Variants in ZNF335 observed in about 807,000 individuals in gnomAD.
The protein encoded by ZNF335 is NRC-interacting factor 1.
Under a neutral mutation model 145.6 loss-of-function variants are expected in ZNF335, and 84 were observed. The ratio of observed to expected loss-of-function variants is 0.58; its 90% confidence interval spans 0.48 to 0.69. ZNF335 has a LOEUF of 0.69. Among genes scored for constraint, ZNF335 ranks in the 30% least tolerant of loss-of-function variants. The pLI is 0.00. For synonymous variants in ZNF335, 761 were observed against 717.0 expected (o/e 1.06, Z -0.98); for missense variants, 1,865 against 1,809.7 (o/e 1.03, Z -0.55).
chr20:45,963,923 C>A lies in ZNF335; in HGVS notation c.1170G>T (p.Glu390Asp), dbSNP rs1457770765. The A allele has an allele frequency of 6.4e-7, 1 of 1,570,638 alleles. No individual in the cohort carries two copies. Among genetic ancestry groups the A allele is most frequent in the Non-Finnish European group, 8.6e-7 (1 of 1,157,552 alleles). Residue 390 changes from glutamate to aspartate, a missense_variant, in exon 8 of 28, where the codon GAG becomes GAT. Physicochemically the swap from Glu to Asp is conservative, Grantham distance 45 (BLOSUM62 2). Transcript: ENST00000322927. The stretch of plus-strand genomic sequence containing the variant: ...GTCCTGGGCCTGAGGAGCTGGGAGC[C>A]TCGGGATCCTGTGGCTCTGGAGGGC... Reference protein sequence around the residue: ...GQSPPEPQDPEAPSSSGPGHL... With the variant: ...GQSPPEPQDPDAPSSSGPGHL...
intron 20 of ZNF335, among the ~76,000 whole-genome samples, chr20:45,951,756 G>C (rs1169643899): frequency 6.6e-6 from 1 of 152,192 alleles, no homozygotes; most frequent in African/African-American, 2.4e-5. Flanking sequence ...CTATGGCCCA[G>C]GGGTTGGGCA....
In ZNF335 at chr20:45,968,347, G is replaced by C. The variant is rs746933032; in HGVS notation, c.458C>G (p.Thr153Ser). ...CTCGGCCCCGCCATCCTCAGCACTG[G>C]TCACAGTGATGCAGTCTGGGCAGAG... Reference protein sequence around the residue: ...PDLIQNCITVTSAEDGGAETT... With the variant: ...PDLIQNCITVSSAEDGGAETT... The change falls in exon 4 of 28, where the codon ACC (threonine) becomes AGC (serine). Residue 153 changes from threonine (T) to serine (S), a missense_variant. Coordinates refer to ENST00000322927, the MANE Select transcript of ZNF335 (RefSeq NM_022095.4). 6.2e-7 allele frequency: 1 copy of C among 1,612,038 alleles called. No homozygotes were observed. The highest frequency in any genetic ancestry group is 1.1e-5 in the South Asian group (1 of 91,056).
chr20:45,959,333 T>C lies in ZNF335; in HGVS notation c.2121A>G (p.Glu707=), dbSNP rs2083788217. ...GCTCCTCAGGGTGGCGCCTCCCCCA[T>C]TCCTCGAAGCTGCTTGCGTGTCGGC... The part of the protein sequence containing the change: ...VRCRHASSFE[E]WGRRHPEEPP... The change falls in exon 15 of 28, where the codon GAA becomes GAG. Residue 707 remains glutamate, a synonymous_variant. Coordinates refer to ENST00000322927, the MANE Select transcript of ZNF335 (RefSeq NM_022095.4). The C allele has an allele frequency of 1.9e-6, 3 of 1,585,736 alleles. No individual in the cohort carries two copies. The highest frequency in any genetic ancestry group is 1.1e-5 in the South Asian group (1 of 88,130).
chr20:45,949,266 C>T lies in ZNF335; in HGVS notation c.3820-15G>A, dbSNP rs1600515663. The T allele has an allele frequency of 6.2e-7, 1 of 1,613,914 alleles. No individual in the cohort carries two copies. The highest frequency in any genetic ancestry group is 1.1e-5 in the South Asian group (1 of 91,084). Reference sequence around the variant, plus strand: ...ACATACTGGATCTGGAGGGGAGAAGCTGATAAGATGCTGGCCTGGAGAAAC... The same window carrying T: ...ACATACTGGATCTGGAGGGGAGAAGTTGATAAGATGCTGGCCTGGAGAAAC... On this transcript the variant is annotated splice_polypyrimidine_tract_variant and intron_variant, in intron 26 of 27. Transcript: ENST00000322927.
chr20:45,963,481 A>T lies in ZNF335; in HGVS notation c.1525T>A (p.Ser509Thr). ...QCSYRSRRWS[S>T]LKEHMFNHVG... is the part of the protein sequence containing the mutation. ...CTCTTTGGCTCCCGCACCTTGAGCG[A>T]GGACCAGCGGCGGGAACGATAGCTG... is the stretch of plus-strand genomic sequence containing the variant. Residue 509 changes from serine to threonine, a missense_variant, in exon 9 of 28, where the codon TCG (serine) becomes ACG (threonine). Transcript: ENST00000322927. 6.2e-7 allele frequency: 1 copy of T among 1,611,710 alleles called. No homozygotes were observed. Among genetic ancestry groups the T allele is most frequent in the Non-Finnish European group, 8.5e-7 (1 of 1,177,998 alleles).
intron 1 of ZNF335, 157 bp from the exon 2 acceptor site, chr20:45,971,617 G>C: frequency 1.0e-6 from 1 of 985,466 alleles, no homozygotes; most frequent in Non-Finnish European, 1.2e-6. Flanking sequence ...GGGAGCTCGG[G>C]AAAAACTTGA....
In ZNF335 at chr20:45,959,386, T is replaced by G; in HGVS notation, c.2068A>C (p.Lys690Gln). The change falls in exon 15 of 28, where the codon AAG (lysine) becomes CAG (glutamine). Residue 690 changes from lysine to glutamine, a missense_variant. Transcript: ENST00000322927. The stretch of plus-strand genomic sequence containing the variant: ...CGTACGTGCAGGCGCAGGTTCTTCT[T>G]GTGCCGTGTGCTGAAGTGGCAGTAC... The part of the protein sequence containing the change: ...CEYCHFSTRH[K>Q]KNLRLHVRCR... 6.5e-7 allele frequency: 1 copy of G among 1,544,774 alleles called. No homozygotes were observed. Among genetic ancestry groups the G allele is most frequent in the Non-Finnish European group, 8.8e-7 (1 of 1,137,820 alleles).
At position 45,971,192 on chromosome 20, in the gene ZNF335, G is replaced by A. The variant is rs201825138; in HGVS notation, c.201+18C>T. ...CGCGGTCCTTGCCTCCACCCACGCCGTCCAGCCGGGTCCATACCTGAGAAC... is the reference window on the plus strand; with the variant it reads ...CGCGGTCCTTGCCTCCACCCACGCCATCCAGCCGGGTCCATACCTGAGAAC... On this transcript the variant is annotated intron_variant, in intron 2 of 27. Transcript: ENST00000322927. 41 of 1,515,444 alleles carry A rather than the reference G, an allele frequency of 2.7e-5. No individual in the cohort carries two copies. The highest frequency in any genetic ancestry group is 3.4e-5 in the Non-Finnish European group (38 of 1,132,972). 93.9% of individuals were successfully genotyped at this position (1,515,444 alleles called of 1,614,324 possible).
chr20:45,952,297 A>G lies in ZNF335; in HGVS notation c.3039T>C (p.Thr1013=). Residue 1013 remains threonine (T), a synonymous_variant, in exon 20 of 28, where the codon ACT becomes ACC. Coordinates refer to ENST00000322927, the MANE Select transcript of ZNF335 (RefSeq NM_022095.4). Reference sequence around the variant, plus strand: ...TGCAGGAAAACTTCTTTGATGCAGCAGTGGCTGCAGATGGCGGTGACGGGG... The same window carrying G: ...TGCAGGAAAACTTCTTTGATGCAGCGGTGGCTGCAGATGGCGGTGACGGGG... ...AVPPSPPSAA[T]AASKKFSCKI... is the part of the protein sequence containing the mutation. 6.2e-7 allele frequency: 1 copy of G among 1,613,558 alleles called. No individual in the cohort carries two copies. Among genetic ancestry groups the G allele is most frequent in the Non-Finnish European group, 8.5e-7 (1 of 1,180,006 alleles).
intron 10 of ZNF335, 49 bp downstream of exon 10, chr20:45,962,021 C>T: frequency 8.3e-7 from 1 of 1,208,808 alleles, no homozygotes; most frequent in Non-Finnish European, 1.2e-6. Flanking sequence ...TCCACTTCCC[C>T]ACCCAACCTG....
chr20:45,966,031 C>T (rs1348876352), intron 6 of ZNF335, among the ~76,000 whole-genome samples: 1 of 152,142 alleles, frequency 6.6e-6, no homozygotes, highest in Non-Finnish European at 1.5e-5. Context: ...GAAAAGGCAA[C>T]CCTTCCTCCA....
intron 17 of ZNF335, among the ~76,000 whole-genome samples, chr20:45,956,661 C>G (rs2083734245): frequency 6.6e-6 from 1 of 151,704 alleles, no homozygotes; most frequent in African/African-American, 2.4e-5. Flanking sequence ...ATTTGGGAAT[C>G]TAGTATATGA....
intron 3 of ZNF335, among the ~76,000 whole-genome samples, 198 bp downstream of exon 3, chr20:45,969,253 T>C (rs1183346902): frequency 6.6e-6 from 1 of 152,234 alleles, no homozygotes; most frequent in Non-Finnish European, 1.5e-5. Context: ...GAGTCTGTCA[T>C]GCCAGGCGCT....
Position 45,950,577 on chromosome 20 carries a change from A to C in ZNF335, c.3208T>G (p.Ser1070Ala). 2.5e-6 allele frequency: 4 copies of C among 1,614,000 alleles called. No homozygotes were observed. The highest frequency in any genetic ancestry group is 3.4e-6 in the Non-Finnish European group (4 of 1,180,002). Residue 1070 changes from serine (S) to alanine (A), a missense_variant, in exon 21 of 28, where the codon TCA (serine) becomes GCA (alanine). Ser to Ala is a moderately conservative substitution (Grantham distance 99). Coordinates refer to ENST00000322927, the MANE Select transcript of ZNF335 (RefSeq NM_022095.4). ...PEVRAHMAQHSSLRPHQCSQC... is the reference protein window; with the variant it reads ...PEVRAHMAQHASLRPHQCSQC... Reference sequence around the variant, plus strand: ...CTACACTGGTGGGGCCGTAGGCTTGAGTGCTGTGCCATGTGCGCCTGCAGA... The same window carrying C: ...CTACACTGGTGGGGCCGTAGGCTTGCGTGCTGTGCCATGTGCGCCTGCAGA...
At chr20:45,955,052 A>C (rs2083701926) in intron 17 of ZNF335, among the ~76,000 whole-genome samples, 1 of 152,056 alleles carries the variant, frequency 6.6e-6, no homozygotes, top group African/African-American at 2.4e-5. Flanking sequence ...AGATTGGTAA[A>C]GATTTATAAC....
rs1294223397 is a variant in ZNF335, at chr20:45,960,469, G to A, written c.1839C>T (p.Ile613=). Residue 613 remains isoleucine (I), a synonymous_variant, in exon 13 of 28, where the codon ATC becomes ATT. Coordinates refer to ENST00000322927, the MANE Select transcript of ZNF335 (RefSeq NM_022095.4). ...TGTACCTGCGGTTGGCAACAGCCTG[G>A]ATGTGCGTGAGCAGGTGCATTTTGA... ...YTFKMHLLTH[I]QAVANRRFKC... 2 of 1,614,234 alleles carry A rather than the reference G, an allele frequency of 1.2e-6. No homozygotes were observed. Among genetic ancestry groups the A allele is most frequent in the African/African-American group, 2.7e-5 (2 of 75,052 alleles).
chr20:45,957,529 T>C, intron 17 of ZNF335, 57 bp downstream of exon 17: 1 of 1,532,570 alleles, frequency 6.5e-7, no homozygotes, highest in Non-Finnish European at 9.0e-7. Flanking sequence ...CAGTGTCCAG[T>C]GCAGGGCTGG....
At position 45,965,780 on chromosome 20, in the gene ZNF335, G is replaced by A. The variant is rs757482395; in HGVS notation, c.956-6C>T. 1 of 1,598,906 alleles carries A rather than the reference G, an allele frequency of 6.3e-7. No homozygotes were observed. The highest frequency in any genetic ancestry group is 1.4e-5 in the African/African-American group (1 of 73,408). ...TGGATTATAGTCGCTATCCTCTGTG[G>A]GGGACAGTAAAGTTGGTGAACAGTG... On this transcript the variant is annotated splice_polypyrimidine_tract_variant and splice_region_variant and intron_variant, in intron 6 of 27. Coordinates refer to ENST00000322927, the MANE Select transcript of ZNF335 (RefSeq NM_022095.4).
At chr20:45,954,407 C>CCA (rs978993331) in intron 17 of ZNF335, among the ~76,000 whole-genome samples, 4 of 152,260 alleles carry the variant, frequency 2.6e-5, no homozygotes, top group African/African-American at 9.6e-5. Flanking sequence ...ACATCTTATT[C>CCA]CAGTTGGCTT....
Sources: allele counts gnomAD v4.1 joint callset (sites outside exome capture counted in the v4.1 genomes callset), GRCh38; gene constraint gnomAD v4.1.1; transcripts MANE v1.5; gene names NCBI Gene and HGNC (gene_info 2026-07-23, HGNC 2026-07-21).